Variants in CALN1 observed in about 807,000 individuals in gnomAD.
The protein encoded by CALN1 is calcium-binding protein 8.
Under a neutral mutation model 30.6 loss-of-function variants are expected in CALN1, and 17 were observed. The ratio of observed to expected loss-of-function variants is 0.56; its 90% CI spans 0.38 to 0.83. The LOEUF is 0.83. Among genes scored for constraint, CALN1 ranks in the 40% least tolerant of loss-of-function variants. The pLI is 0.00. For missense variants in CALN1, 291 were observed against 354.9 expected, an observed-to-expected ratio of 0.82 and a Z score of 1.45; for synonymous variants, 156 against 131.4, an observed-to-expected ratio of 1.19 and a Z score of -1.28.
intron 3 of CALN1, among the ~76,000 whole-genome samples, chr7:72,151,550 A>G (rs568458270): frequency 6.6e-6 from 1 of 152,154 alleles, no homozygotes; most frequent in African/African-American, 2.4e-5. Flanking sequence ...CACACGTCAC[A>G]TTCAGGAGTC....
intron 2 of CALN1, among the ~76,000 whole-genome samples, chr7:72,294,779 A>AATAC (rs1798739078): frequency 1.4e-5 from 2 of 146,164 alleles, no homozygotes; most frequent in African/African-American, 2.5e-5. Flanking sequence ...TAAATAAATA[A>AATAC]ATACAGATTT....
At chr7:72,293,943 C>G (rs1366983798) in intron 2 of CALN1, among the ~76,000 whole-genome samples, 1 of 151,818 alleles carries the variant, frequency 6.6e-6, no homozygotes, top group Non-Finnish European at 1.5e-5. Flanking sequence ...CTTAAAAATA[C>G]AAAAATTAGC....
chr7:72,416,002 T>C (rs1329665787), upstream of CALN1, among the ~76,000 whole-genome samples: 1 of 152,188 alleles, frequency 6.6e-6, no homozygotes, highest in Non-Finnish European at 1.5e-5. Context: ...GGTCTGCTTC[T>C]GAAGCTGATC....
At chr7:72,413,445 T>A (rs1807307711), upstream of CALN1, among the ~76,000 whole-genome samples, 1 of 151,786 alleles carries the variant, frequency 6.6e-6, no homozygotes, top group South Asian at 2.1e-4. Context: ...TAGACTCACA[T>A]ACCACACATG....
At chr7:72,328,505 T>C (rs963365259) in intron 2 of CALN1, among the ~76,000 whole-genome samples, 1 of 152,206 alleles carries the variant, frequency 6.6e-6, no homozygotes, top group African/African-American at 2.4e-5. Flanking sequence ...CTTTATAAAT[T>C]ACCCAGTCTC....
intron 3 of CALN1, among the ~76,000 whole-genome samples, chr7:72,237,641 T>G (rs1375239498): frequency 6.6e-6 from 1 of 152,176 alleles, no homozygotes; most frequent in Non-Finnish European, 1.5e-5. Flanking sequence ...GGGGCTGAGT[T>G]CTGGGAGGGC....
At chr7:72,378,752 G>A (rs1048788203) in intron 2 of CALN1, among the ~76,000 whole-genome samples, 5 of 151,364 alleles carry the variant, frequency 3.3e-5, no homozygotes, top group Non-Finnish European at 5.9e-5. Flanking sequence ...ATTTTTAGTA[G>A]AGACGAAGTT....
intron 3 of CALN1, among the ~76,000 whole-genome samples, chr7:72,106,989 G>A (rs1563064272): frequency 6.8e-6 from 1 of 147,742 alleles, no homozygotes; most frequent in Non-Finnish European, 1.5e-5. Flanking sequence ...AAGAAAGAAA[G>A]GAAAGAAAGA....
intron 5 of CALN1, among the ~76,000 whole-genome samples, chr7:71,995,210 C>G (rs1340672790): frequency 6.6e-6 from 1 of 152,150 alleles, no homozygotes; most frequent in Non-Finnish European, 1.5e-5. Context: ...GCCATGTTGC[C>G]TGGTCCTTAC....
intron 2 of CALN1, among the ~76,000 whole-genome samples, chr7:72,299,312 T>C (rs1465519371): frequency 6.6e-6 from 1 of 152,148 alleles, no homozygotes; most frequent in Non-Finnish European, 1.5e-5. Flanking sequence ...ATGTCCACTA[T>C]TAAATAACAC....
intron 1 of CALN1, among the ~76,000 whole-genome samples, chr7:72,423,509 C>T (rs192439862): frequency 1.1e-3 from 162 of 152,312 alleles, no homozygotes; most frequent in Non-Finnish European, 1.8e-3. Context: ...AACCTCACCC[C>T]CAGGAGACCC....
At chr7:71,960,480 T>C (rs1797194829) in intron 5 of CALN1, among the ~76,000 whole-genome samples, 1 of 152,190 alleles carries the variant, frequency 6.6e-6, no homozygotes, top group Non-Finnish European at 1.5e-5. Flanking sequence ...TCCACTTCCA[T>C]CCGTGTTGCT....
intron 3 of CALN1, 26 bp downstream of exon 3, chr7:72,278,660 C>T (rs966730368): frequency 6.3e-7 from 1 of 1,594,048 alleles, no homozygotes; most frequent in Non-Finnish European, 8.6e-7. Context: ...GGGGGGCCAT[C>T]CCCCCAAACA....
intron 3 of CALN1, among the ~76,000 whole-genome samples, chr7:72,247,248 T>C (rs1468272836): frequency 3.4e-5 from 4 of 117,678 alleles, no homozygotes; most frequent in East Asian, 2.5e-4. Context: ...TTTTTTTTTT[T>C]TTTTTTTTTT....
intron 2 of CALN1, among the ~76,000 whole-genome samples, chr7:72,342,209 T>C (rs995170491): frequency 3.4e-5 from 5 of 147,672 alleles, no homozygotes; most frequent in South Asian, 2.1e-4. Context: ...CAGTGAACTG[T>C]GGTCACACCA....
At chr7:72,232,564 G>T (rs1467289768) in intron 3 of CALN1, among the ~76,000 whole-genome samples, 2 of 152,142 alleles carry the variant, frequency 1.3e-5, no homozygotes, top group Admixed American at 1.3e-4. Flanking sequence ...AGGTACAAGC[G>T]ATTCTCCTGC....
chr7:71,992,624 A>G (rs1799014028), intron 5 of CALN1, among the ~76,000 whole-genome samples: 1 of 152,140 alleles, frequency 6.6e-6, no homozygotes, highest in Admixed American at 6.6e-5. Context: ...TTCCAAACCA[A>G]TGGGATTATA....
intron 2 of CALN1, among the ~76,000 whole-genome samples, chr7:72,329,864 G>C (rs1027875514): frequency 6.6e-6 from 1 of 152,156 alleles, no homozygotes. Flanking sequence ...TGAGGCAGGA[G>C]AATCGTTTGA....
chr7:72,384,687 G>A (rs751108638), intron 2 of CALN1, among the ~76,000 whole-genome samples: 1 of 151,940 alleles, frequency 6.6e-6, no homozygotes, highest in Non-Finnish European at 1.5e-5. Flanking sequence ...AGGCCTTAAT[G>A]CAAAACACAA....
Sources: gnomAD v4.1 joint callset for allele counts (sites outside exome capture counted in the v4.1 genomes callset) on GRCh38, gnomAD v4.1.1 for gene constraint, MANE v1.5 for transcripts, NCBI Gene and HGNC (gene_info 2026-07-23, HGNC 2026-07-21) for gene names.